Variants in GLYATL2 observed in about 807,000 individuals in gnomAD.
GLYATL2 encodes glycine N-acyltransferase-like protein 2.
A neutral mutation model predicts 21.4 loss-of-function variants in GLYATL2; 25 were observed. The observed-to-expected ratio is 1.17, with a 90% CI of 0.85 to 1.63. The LOEUF (loss-of-function observed/expected upper bound fraction) is 1.63. GLYATL2 is among the 40% of genes most tolerant of loss of function. GLYATL2 has a pLI of 0.00. For missense variants in GLYATL2, 361 were observed against 343.3 expected (o/e 1.05, Z -0.41); for synonymous variants, 114 against 118.2 (o/e 0.96, Z 0.23).
intron 1 of GLYATL2, among the ~76,000 whole-genome samples, chr11:58,882,299 T>C (rs1178942837): frequency 1.3e-5 from 2 of 152,232 alleles, no homozygotes; most frequent in Non-Finnish European, 2.9e-5. Context: ...GGTATCTCGT[T>C]GTGGTTTTGA....
chr11:58,895,878 G>T lies in GLYATL2; in HGVS notation n.60+8278C>A, dbSNP rs185946068. 3.1e-3 allele frequency among the ~76,000 whole-genome samples: 465 copies of T among 150,906 alleles called. 2 individuals carry two copies. The highest frequency in any genetic ancestry group is 5.3e-3 in the Admixed American group (80 of 15,200). ...TTTCCTCTTTTTTTTTTTTTTGAAG[G>T]AGTCTGGCTCTGTCACCCAGGCTGG... On this transcript the variant is annotated intron_variant and non_coding_transcript_variant, in intron 1 of 4. Coordinates refer to the GLYATL2 transcript ENST00000533636.
In GLYATL2 at chr11:58,837,280, G is replaced by T; in HGVS notation, c.304C>A (p.Gln102Lys). 2 of 1,613,756 alleles carry T rather than the reference G, an allele frequency of 1.2e-6. No homozygotes were observed. The highest frequency in any genetic ancestry group is 1.7e-6 in the Non-Finnish European group (2 of 1,179,820). ...SNVISWEQTL[Q>K]IQGCQEGLDE... is the part of the protein sequence containing the mutation. ...AACTCAGACTAGTTACCTTGGATCTGCAAAGTTTGCTCCCAGCTGATTACA... is the reference window on the plus strand; with the variant it reads ...AACTCAGACTAGTTACCTTGGATCTTCAAAGTTTGCTCCCAGCTGATTACA... The change falls in exon 4 of 6, where the codon CAG (glutamine) becomes AAG (lysine). Residue 102 changes from glutamine (Q) to lysine (K), a missense_variant. By Grantham distance (53) the Gln-to-Lys change is moderately conservative. Coordinates refer to ENST00000287275, the MANE Select transcript of GLYATL2 (RefSeq NM_145016.4).
At chr11:58,849,314 G>A (rs1164004909), upstream of GLYATL2, among the ~76,000 whole-genome samples, 2 of 152,140 alleles carry the variant, frequency 1.3e-5, no homozygotes, top group Non-Finnish European at 2.9e-5. Flanking sequence ...TAACTGTGGT[G>A]TATAAACTAC....
chr11:58,869,109 A>G (rs1854070878), intron 1 of GLYATL2, among the ~76,000 whole-genome samples: 1 of 152,204 alleles, frequency 6.6e-6, no homozygotes, highest in Admixed American at 6.5e-5. Flanking sequence ...ACCAATGGAG[A>G]GGAAGCACCC....
chr11:58,909,074 A>G (rs778063794), upstream of GLYATL2, among the ~76,000 whole-genome samples: 5 of 152,236 alleles, frequency 3.3e-5, no homozygotes, highest in Admixed American at 6.5e-5. Context: ...ATGGAAAATG[A>G]TAATACTAAA....
intron 1 of GLYATL2, among the ~76,000 whole-genome samples, chr11:58,896,055 C>T (rs567594368): frequency 2.0e-5 from 3 of 152,202 alleles, no homozygotes; most frequent in South Asian, 4.2e-4. Context: ...TGGGGTTTCA[C>T]CAACTTGGCC....
chr11:58,865,189 G>C (rs1386494203), intron 1 of GLYATL2, among the ~76,000 whole-genome samples: 1 of 148,372 alleles, frequency 6.7e-6, no homozygotes, highest in Non-Finnish European at 1.5e-5. Context: ...GAAAACTACT[G>C]TTGGCCTCTT....
At position 58,856,884 on chromosome 11, in the gene GLYATL2, A is replaced by G. The variant is rs377571910; in HGVS notation, n.61-18516T>C. Reference sequence around the variant, plus strand: ...TGTAATAAAGACAGGAAGGGAGCACATTTGTTGGAAAAATGGTGCCAGTAG... The same window carrying G: ...TGTAATAAAGACAGGAAGGGAGCACGTTTGTTGGAAAAATGGTGCCAGTAG... On this transcript the variant is annotated intron_variant and non_coding_transcript_variant, in intron 1 of 4. Transcript: ENST00000533636. 1.6e-4 allele frequency among the ~76,000 whole-genome samples: 24 copies of G among 152,360 alleles called. 1 individual carries two copies. The Middle Eastern group carries it at 0.01, about 65-fold the overall frequency.
intron 1 of GLYATL2, chr11:58,885,550 A>G: frequency 2.3e-6 from 1 of 436,910 alleles, no homozygotes; most frequent in South Asian, 1.7e-5. Context: ...AGGTAGGCAC[A>G]CAAACAGGGA....
At chr11:58,862,854 T>A (rs1264622439) in intron 1 of GLYATL2, among the ~76,000 whole-genome samples, 1 of 152,212 alleles carries the variant, frequency 6.6e-6, no homozygotes. Flanking sequence ...GTGGTATCAT[T>A]TTTCTCTGAT....
intron 1 of GLYATL2, among the ~76,000 whole-genome samples, chr11:58,893,893 T>C (rs562338681): frequency 2.6e-5 from 4 of 152,336 alleles, no homozygotes; most frequent in South Asian, 2.1e-4. Flanking sequence ...TGTTTATGGA[T>C]TTATGAGGCA....
At chr11:58,883,789 C>A (rs1006573970) in intron 1 of GLYATL2, among the ~76,000 whole-genome samples, 41 of 152,268 alleles carry the variant, frequency 2.7e-4, no homozygotes, top group African/African-American at 9.4e-4. Context: ...GACCAATATA[C>A]CAGATGAATA....
At chr11:58,871,257 ATG>A (rs1182853814) in intron 1 of GLYATL2, among the ~76,000 whole-genome samples, 2 of 151,878 alleles carry the variant, frequency 1.3e-5, no homozygotes, top group African/African-American at 4.8e-5. Context: ...GGGAGGTAGA[ATG>A]ATTTTATTTT....
At chr11:58,883,923 C>T (rs1352397921) in intron 1 of GLYATL2, among the ~76,000 whole-genome samples, 1 of 152,168 alleles carries the variant, frequency 6.6e-6, no homozygotes. Flanking sequence ...ATGCACAAAT[C>T]AATAAACGTA....
chr11:58,863,238 T>C (rs1314429996), intron 1 of GLYATL2, among the ~76,000 whole-genome samples: 5 of 152,202 alleles, frequency 3.3e-5, no homozygotes, highest in Admixed American at 2.0e-4. Context: ...GACACAGCTC[T>C]GATGTGGGCA....
At chr11:58,879,854 GTTTT>G (rs71064495) in intron 1 of GLYATL2, among the ~76,000 whole-genome samples, 4 of 130,102 alleles carry the variant, frequency 3.1e-5, no homozygotes, top group Non-Finnish European at 1.7e-5. Flanking sequence ...TTTTTTCCTT[GTTTT>G]TTTTTTTTTT....
intron 1 of GLYATL2, chr11:58,885,604 T>G (rs559771044): frequency 5.2e-5 from 17 of 325,282 alleles, no homozygotes; most frequent in South Asian, 4.2e-4. Context: ...GAACTGACCA[T>G]TTCAGACACC....
intron 1 of GLYATL2, among the ~76,000 whole-genome samples, chr11:58,844,076 G>A (rs556063346): frequency 6.6e-6 from 1 of 152,236 alleles, no homozygotes; most frequent in South Asian, 2.1e-4. Context: ...TACTTTAGAA[G>A]CAGGATTGGA....
chr11:58,905,322 C>T (rs1460902300), upstream of GLYATL2: 2 of 392,984 alleles, frequency 5.1e-6, no homozygotes, highest in Non-Finnish European at 1.0e-5. Flanking sequence ...CTGCGACTTG[C>T]AGTCAGCTGG....
Sources: gnomAD v4.1 joint callset for allele counts (sites outside exome capture counted in the v4.1 genomes callset) on GRCh38, gnomAD v4.1.1 for gene constraint, MANE v1.5 for transcripts, NCBI Gene and HGNC (gene_info 2026-07-23, HGNC 2026-07-21) for gene names.